CEP70: variants seen among roughly 807,000 people sequenced by gnomAD.
CEP70 encodes the protein centrosomal protein of 70 kDa.
CEP70 carries 70 observed loss-of-function variants against 90.9 expected under a neutral mutation model. The observed-to-expected ratio is 0.77, with a 90% CI of 0.64 to 0.94. The LOEUF (loss-of-function observed/expected upper bound fraction) is 0.94, where lower values mean the gene tolerates loss of function less well. Among genes scored for constraint, CEP70 ranks in the 40% least tolerant of loss-of-function variants. The pLI, the probability that CEP70 is intolerant of heterozygous loss-of-function variation, is 0.00. For synonymous variants in CEP70, 220 were observed against 228.3 expected, an observed-to-expected ratio of 0.96 and a Z score of 0.33; for missense variants, 648 against 669.0, an observed-to-expected ratio of 0.97 and a Z score of 0.35.
intron 2 of CEP70, among the ~76,000 whole-genome samples, chr3:138,588,146 T>C (rs756619189): frequency 3.4e-4 from 52 of 152,026 alleles, no homozygotes; most frequent in Admixed American, 1.8e-3. Context: ...AATCACAACA[T>C]GTCTAGAAAA....
chr3:138,572,736 AC>A, intron 3 of CEP70, 122 bp downstream of exon 3: 1 of 731,810 alleles, frequency 1.4e-6, no homozygotes, highest in Non-Finnish European at 2.4e-6. Context: ...ATAGTCTTTA[AC>A]CCAGCATTTC....
Position 138,529,148 on chromosome 3 carries a change from G to C in CEP70, c.869+51C>G, listed in dbSNP as rs1287094783. The C allele has an allele frequency of 2.7e-6, 3 of 1,123,814 alleles. No homozygotes were observed. The African/African-American group carries it at 4.7e-5, about 18-fold the overall frequency. 69.6% of individuals were successfully genotyped at this position (1,123,814 alleles called of 1,614,324 possible). A position where few individuals can be genotyped will look rare whatever the true frequency, so the allele number is the denominator to read the frequency against. On this transcript the variant is annotated intron_variant, in intron 10 of 17. Transcript: ENST00000264982. ...ACCACTGCACTTGGCCTGAGTGACA[G>C]AGTGAGACCCTGTCTCAGGAAAAAA...
At chr3:138,517,861 G>A (rs1417105998) in intron 11 of CEP70, among the ~76,000 whole-genome samples, 1 of 152,198 alleles carries the variant, frequency 6.6e-6, no homozygotes, top group Non-Finnish European at 1.5e-5. Flanking sequence ...AGCGCACCGA[G>A]CGTGAGCCGA....
chr3:138,495,190 G>T, intron 17 of CEP70, 114 bp from the exon 18 acceptor site: 2 of 605,548 alleles, frequency 3.3e-6, no homozygotes, highest in Non-Finnish European at 5.9e-6. Context: ...CAATAATACT[G>T]GTGCTTTTGT....
At chr3:138,506,096 T>C (rs1424199604) in intron 12 of CEP70, among the ~76,000 whole-genome samples, 1 of 152,186 alleles carries the variant, frequency 6.6e-6, no homozygotes, top group African/African-American at 2.4e-5. Context: ...GAAGAAACTC[T>C]TCACCCTCAA....
intron 11 of CEP70, among the ~76,000 whole-genome samples, chr3:138,511,882 A>G (rs925661237): frequency 1.8e-4 from 27 of 152,358 alleles, no homozygotes; most frequent in South Asian, 4.1e-4. Context: ...TCTGCCATTA[A>G]CAGTATTACT....
At chr3:138,503,077 T>A (rs1560279767) in intron 13 of CEP70, among the ~76,000 whole-genome samples, 1 of 152,168 alleles carries the variant, frequency 6.6e-6, no homozygotes, top group Non-Finnish European at 1.5e-5. Context: ...AAATGTAAGT[T>A]CAGTGTTAAT....
At chr3:138,537,001 C>CAAAAAAAAAAAAAAAAA (rs57447148) in intron 7 of CEP70, 177 bp downstream of exon 7, 1 of 234,074 alleles carries the variant, frequency 4.3e-6, no homozygotes, top group Non-Finnish European at 7.4e-6. Flanking sequence ...ACCTCTAGAA[C>CAAAAAAAAAAAAAAAAA]AAAAAAAAAA....
intron 6 of CEP70, among the ~76,000 whole-genome samples, chr3:138,564,682 T>C (rs2040650650): frequency 1.3e-5 from 2 of 152,160 alleles, no homozygotes; most frequent in African/African-American, 4.8e-5. Flanking sequence ...AAACTGGGGA[T>C]TGATCGAACG....
intron 6 of CEP70, among the ~76,000 whole-genome samples, chr3:138,558,814 C>T (rs1430135499): frequency 6.6e-6 from 1 of 152,108 alleles, no homozygotes; most frequent in East Asian, 1.9e-4. Context: ...CAACCAGGCA[C>T]ACCAGGAGTA....
chr3:138,563,928 C>T (rs181377978), intron 6 of CEP70, among the ~76,000 whole-genome samples: 26 of 151,984 alleles, frequency 1.7e-4, no homozygotes, highest in Admixed American at 1.6e-3. Context: ...TTGAAAAGAT[C>T]AACAAAATGG....
intron 11 of CEP70, among the ~76,000 whole-genome samples, chr3:138,508,897 CTAAT>C (rs1314432929): frequency 2.0e-5 from 3 of 152,000 alleles, no homozygotes; most frequent in Non-Finnish European, 4.4e-5. Context: ...CCATGCCTGG[CTAAT>C]TTTTTATATT....
At chr3:138,593,013 T>C (rs1393974736) in intron 1 of CEP70, 1 of 152,190 alleles carries the variant, frequency 6.6e-6, no homozygotes, top group African/African-American at 2.4e-5. Context: ...TGGAATGTCA[T>C]CTCAACCAAA....
At chr3:138,537,754 A>G (rs2107817642) in intron 6 of CEP70, among the ~76,000 whole-genome samples, 1 of 152,260 alleles carries the variant, frequency 6.6e-6, no homozygotes, top group Admixed American at 6.5e-5. Context: ...GTGACTGCAA[A>G]CTCACAGTAA....
chr3:138,556,431 T>A (rs1576812271), intron 6 of CEP70, among the ~76,000 whole-genome samples: 1 of 145,652 alleles, frequency 6.9e-6, no homozygotes, highest in African/African-American at 2.6e-5. Flanking sequence ...AGGAGGCTGA[T>A]GCAGGAGAAT....
At chr3:138,542,551 C>T (rs2038857309) in intron 6 of CEP70, among the ~76,000 whole-genome samples, 1 of 152,192 alleles carries the variant, frequency 6.6e-6, no homozygotes, top group Non-Finnish European at 1.5e-5. Context: ...CCTGGGCTGG[C>T]CTGGCCCCAC....
chr3:138,548,774 CA>C (rs2039405762), intron 6 of CEP70, among the ~76,000 whole-genome samples: 1 of 152,116 alleles, frequency 6.6e-6, no homozygotes, highest in South Asian at 2.1e-4. Flanking sequence ...ACTTTTGCTC[CA>C]AAACTACTAC....
chr3:138,513,369 G>A (rs938019250), intron 11 of CEP70, among the ~76,000 whole-genome samples: 1 of 152,168 alleles, frequency 6.6e-6, no homozygotes, highest in Non-Finnish European at 1.5e-5. Flanking sequence ...CATGTGTCAA[G>A]TACCTCTATC....
rs1278543142 is a variant in CEP70, at chr3:138,494,701, T to C, written c.*314A>G. ...AATCTAAAAGATTGCAACCTACTAC[T>C]TGCAATCTGTCTCCCTGGGCTCCTC... is the stretch of plus-strand genomic sequence containing the variant. On this transcript the variant is annotated 3_prime_UTR_variant, in exon 18 of 18. Transcript: ENST00000264982. 2 of 193,498 alleles carry C rather than the reference T, an allele frequency of 1.0e-5. No individual in the cohort carries two copies. Among genetic ancestry groups the C allele is most frequent in the Non-Finnish European group, 2.1e-5 (2 of 95,920 alleles). The allele number at this position is 193,498 out of a possible 1,614,324, so 12.0% of individuals were successfully genotyped here. A position where few individuals can be genotyped will look rare whatever the true frequency, so the allele number is the denominator to read the frequency against.
Sources: gnomAD v4.1 joint callset for allele counts (sites outside exome capture counted in the v4.1 genomes callset) on GRCh38, gnomAD v4.1.1 for gene constraint, MANE v1.5 for transcripts, NCBI Gene and HGNC (gene_info 2026-07-23, HGNC 2026-07-21) for gene names.